Variants in ACSBG2 observed in about 807,000 individuals in gnomAD.
The protein encoded by ACSBG2 is long-chain-fatty-acid--CoA ligase ACSBG2.
A neutral mutation model predicts 74.7 loss-of-function variants in ACSBG2; 62 were observed. The ratio of observed to expected loss-of-function variants is 0.83; its 90% CI spans 0.68 to 1.03. The LOEUF is 1.03. Ranked by LOEUF, ACSBG2 falls within the 50% of genes least tolerant of loss-of-function variation. The probability of loss-of-function intolerance (pLI) is 0.00; values close to 1 mark genes in which losing one functional copy is unlikely to be tolerated. For missense variants in ACSBG2, 730 were observed against 817.6 expected (o/e 0.89, Z 1.31); for synonymous variants, 309 against 294.1 (o/e 1.05, Z -0.52).
chr19:6,166,330 G>GTGTGTGTGTGTGTT (rs1491505412), intron 7 of ACSBG2, among the ~76,000 whole-genome samples: 1 of 134,408 alleles, frequency 7.4e-6, no homozygotes, highest in African/African-American at 2.7e-5. Flanking sequence ...GTGTGTGTGT[G>GTGTGTGTGTGTGTT]TTTTGAGATG....
At chr19:6,163,010 C>T (rs77825094) in intron 6 of ACSBG2, among the ~76,000 whole-genome samples, 2,867 of 151,752 alleles carry the variant, frequency 0.019, 86 homozygotes, top group African/African-American at 0.067. Context: ...TTAGGCTGGG[C>T]ACAGTAGCTC....
intron 5 of ACSBG2, among the ~76,000 whole-genome samples, chr19:6,158,928 TTTTTTC>T (rs2089517311): frequency 6.6e-6 from 1 of 152,074 alleles, no homozygotes; most frequent in Non-Finnish European, 1.5e-5. Flanking sequence ...AATTCTTTTC[TTTTTTC>T]TTTTTCTTTT....
rs758197998 is a variant in ACSBG2 at position 6,182,883 on chromosome 19, G to A, written c.1039G>A (p.Val347Met). ...CATGGGCTTGAAGAAGAAGGCATTC[G>A]TGTGGGCAAGAAACATTGGCTTCAA... ...KSMGLKKKAFVWARNIGFKVN... is the reference protein window; with the variant it reads ...KSMGLKKKAFMWARNIGFKVN... Residue 347 changes from valine (V) to methionine (M), a missense_variant, in exon 9 of 15, where the codon GTG becomes ATG. By Grantham distance (21) the Val-to-Met change is conservative. Coordinates refer to ENST00000588485, the MANE Select transcript of ACSBG2 (RefSeq NM_030924.5). 5.3e-5 allele frequency: 85 copies of A among 1,614,070 alleles called. No individual in the cohort carries two copies. The highest frequency in any genetic ancestry group is 1.0e-4 in the Admixed American group (6 of 60,000).
intron 5 of ACSBG2, among the ~76,000 whole-genome samples, chr19:6,160,166 G>T (rs192457402): frequency 2.0e-5 from 3 of 151,910 alleles, no homozygotes; most frequent in African/African-American, 7.3e-5. Flanking sequence ...TGAGGTGGGC[G>T]GATCACGAGG....
rs929307797 is a variant in ACSBG2, at chr19:6,156,372, G to A, written c.387-59G>A. The A allele has an allele frequency of 2.6e-6, 4 of 1,513,862 alleles. No homozygotes were observed. In the African/African-American group the frequency reaches 5.8e-5, roughly 22 times the overall value. The allele number at this position is 1,513,862 out of a possible 1,614,324, so 93.8% of individuals were successfully genotyped here. ...ACCTTTCCTCTCTTTTGACCTTCCA[G>A]ACCATTCTGCCTTTAAGGTGTGTGT... On this transcript the variant is annotated intron_variant, in intron 4 of 14. Coordinates refer to ENST00000588485, the MANE Select transcript of ACSBG2 (RefSeq NM_030924.5).
rs954019395 is a variant in ACSBG2, at chr19:6,136,387, C to G, written c.-32+478C>G. On this transcript the variant is annotated intron_variant, in intron 1 of 14. Transcript: ENST00000588485. ...GATTACAGGCGTGAGCCGCCATACT[C>G]GGCCTAATTTTTATATTTTTAGTAG... 2.6e-5 allele frequency among the ~76,000 whole-genome samples: 4 copies of G among 151,272 alleles called. No individual in the cohort carries two copies. In the South Asian group the frequency reaches 8.4e-4, roughly 32 times the overall value.
chr19:6,142,074 G>C (rs1219684862), intron 2 of ACSBG2, among the ~76,000 whole-genome samples: 3 of 152,148 alleles, frequency 2.0e-5, no homozygotes, highest in Non-Finnish European at 4.4e-5. Flanking sequence ...AGGTAGCAGG[G>C]CAAGTTGTTC....
intron 5 of ACSBG2, among the ~76,000 whole-genome samples, chr19:6,159,025 T>C (rs1265564517): frequency 2.0e-5 from 3 of 152,170 alleles, no homozygotes; most frequent in African/African-American, 7.2e-5. Context: ...TGGCGCCATC[T>C]TGGCTCACTG....
intron 3 of ACSBG2, among the ~76,000 whole-genome samples, chr19:6,151,098 A>G (rs1376147093): frequency 6.7e-6 from 1 of 149,052 alleles, no homozygotes; most frequent in Non-Finnish European, 1.5e-5. Flanking sequence ...TTGGCAACAG[A>G]GTGAGACTCT....
intron 8 of ACSBG2, 133 bp from the exon 9 acceptor site, chr19:6,182,618 T>G: frequency 1.2e-6 from 1 of 826,290 alleles, no homozygotes. Flanking sequence ...TTGTCTCCTT[T>G]TGGTTGGGAG....
chr19:6,180,408 T>A lies in ACSBG2; in HGVS notation c.907-2343T>A, dbSNP rs1275541407. 6.6e-6 allele frequency among the ~76,000 whole-genome samples: 1 copy of A among 152,206 alleles called. No homozygotes were observed. Among genetic ancestry groups the A allele is most frequent in the African/African-American group, 2.4e-5 (1 of 41,458 alleles). ...CTTTGTCACTTAGCTCTCTGCTAAA[T>A]ATTTCCTTGGCCCCTCTCAATCCCT... On this transcript the variant is annotated intron_variant, in intron 8 of 14. Coordinates refer to ENST00000588485, the MANE Select transcript of ACSBG2 (RefSeq NM_030924.5). This position sits in a 1 kb window ranked among gnomAD's most constrained non-coding sequence, Gnocchi z 4.3.
At chr19:6,176,668 A>G (rs1381152890) in intron 7 of ACSBG2, among the ~76,000 whole-genome samples, 1 of 151,908 alleles carries the variant, frequency 6.6e-6, no homozygotes, top group Non-Finnish European at 1.5e-5. Flanking sequence ...AGATGAGTAG[A>G]TGGTTGTTAA....
At chr19:6,143,316 T>C (rs1045939292) in intron 2 of ACSBG2, among the ~76,000 whole-genome samples, 1 of 151,486 alleles carries the variant, frequency 6.6e-6, no homozygotes, top group South Asian at 2.1e-4. Flanking sequence ...GTGTGGGTAG[T>C]GAGGTTGCAG....
intron 2 of ACSBG2, among the ~76,000 whole-genome samples, chr19:6,144,449 A>T (rs1417425683): frequency 1.3e-5 from 2 of 152,226 alleles, no homozygotes; most frequent in Non-Finnish European, 2.9e-5. Context: ...TGCACCTACA[A>T]GCCAAGGAAT....
intron 1 of ACSBG2, among the ~76,000 whole-genome samples, chr19:6,136,345 G>A (rs188776032): frequency 2.0e-5 from 3 of 151,930 alleles, no homozygotes; most frequent in Admixed American, 1.3e-4. Flanking sequence ...ACCCGCCTTG[G>A]CCTCCCAAAG....
At chr19:6,162,421 T>C (rs912175887) in intron 6 of ACSBG2, among the ~76,000 whole-genome samples, 1 of 145,464 alleles carries the variant, frequency 6.9e-6, no homozygotes, top group African/African-American at 2.6e-5. Flanking sequence ...AAAAAAATTA[T>C]CCAGGCGTGG....
At chr19:6,150,758 A>C (rs2089209210) in intron 3 of ACSBG2, among the ~76,000 whole-genome samples, 2 of 152,144 alleles carry the variant, frequency 1.3e-5, no homozygotes, top group Non-Finnish European at 2.9e-5. Context: ...AGTTCTAGAG[A>C]TGAACAGTGG....
At chr19:6,182,624 G>T in intron 8 of ACSBG2, 127 bp from the exon 9 acceptor site, 1 of 879,388 alleles carries the variant, frequency 1.1e-6, no homozygotes, top group Non-Finnish European at 1.7e-6. Context: ...CCTTTTGGTT[G>T]GGAGTCCTGC....
intron 14 of ACSBG2, 144 bp downstream of exon 14, chr19:6,190,836 C>CACACAT: frequency 1.8e-6 from 1 of 562,278 alleles, no homozygotes. Context: ...CACACACACA[C>CACACAT]ACACACACAC....
Sources: allele counts gnomAD v4.1 joint callset (sites outside exome capture counted in the v4.1 genomes callset), GRCh38; gene constraint gnomAD v4.1.1; non-coding constraint Gnocchi (gnomAD v3.1); transcripts MANE v1.5; gene names NCBI Gene and HGNC (gene_info 2026-07-23, HGNC 2026-07-21).